Variants in APBB1IP observed in about 807,000 individuals in gnomAD.
APBB1IP encodes amyloid beta precursor protein binding family B member 1 interacting protein.
APBB1IP carries 27 observed loss-of-function variants against 64.9 expected under a neutral mutation model. The ratio of observed to expected loss-of-function variants is 0.42; its 90% CI spans 0.31 to 0.57. APBB1IP has a LOEUF of 0.57. Among genes scored for constraint, APBB1IP ranks in the 20% least tolerant of loss-of-function variants. The probability of loss-of-function intolerance (pLI) is 0.20; values close to 1 mark genes in which losing one functional copy is unlikely to be tolerated. For missense variants in APBB1IP, 812 were observed against 845.5 expected (o/e 0.96, Z 0.49); for synonymous variants, 392 against 331.0 (o/e 1.18, Z -2.00).
At chr10:26,452,480 T>A (rs1397377386) in intron 2 of APBB1IP, among the ~76,000 whole-genome samples, 2 of 152,228 alleles carry the variant, frequency 1.3e-5, no homozygotes, top group East Asian at 3.8e-4. Flanking sequence ...AATTTCCACC[T>A]CTTAATAATC....
intron 8 of APBB1IP, among the ~76,000 whole-genome samples, chr10:26,523,238 A>G (rs1350095688): frequency 6.6e-6 from 1 of 152,214 alleles, no homozygotes; most frequent in Non-Finnish European, 1.5e-5. Flanking sequence ...GAAGAATGCC[A>G]TTCAATTCTT....
At chr10:26,554,609 G>T (rs568797468) in intron 11 of APBB1IP, among the ~76,000 whole-genome samples, 2 of 152,208 alleles carry the variant, frequency 1.3e-5, no homozygotes, top group East Asian at 3.9e-4. Context: ...TTGAGACAGG[G>T]TCTCACTCTG....
At position 26,479,028 on chromosome 10, in the gene APBB1IP, T is replaced by TAACAAACA. The variant is rs141678847; in HGVS notation, c.1-13299_1-13298insAACAAACA. ...ACCAATTTTTAAAAATTGACATATATTCACGCCTGTAATCCCAGCACTTTG... is the reference window on the plus strand; with the variant it reads ...ACCAATTTTTAAAAATTGACATATATAACAAACATCACGCCTGTAATCCCAGCACTTTG... On this transcript the variant is annotated intron_variant, in intron 2 of 14. Transcript: ENST00000376236. Among the ~76,000 whole-genome samples, 21 of 37,384 alleles carry TAACAAACA rather than the reference T, an allele frequency of 5.6e-4. 8 individuals are homozygous for TAACAAACA. The African/African-American group carries it at 5.6e-3, about 10-fold the overall frequency. 24.5% of individuals were successfully genotyped at this position (37,384 alleles called of 152,430 possible). A position where few individuals can be genotyped will look rare whatever the true frequency, so the allele number is the denominator to read the frequency against.
rs531739089 is a variant in APBB1IP, at chr10:26,501,540, C to T, written c.453+429C>T. ...TTGAATTTTGTTGAACTTGGCAGCC[C>T]TGTTCAGTAGGACAGGTACATCCAA... On this transcript the variant is annotated intron_variant, in intron 5 of 14. Coordinates refer to ENST00000376236, the MANE Select transcript of APBB1IP (RefSeq NM_019043.4). 77 of 229,636 alleles carry T rather than the reference C, an allele frequency of 3.4e-4. 2 individuals carry two copies. The highest frequency in any genetic ancestry group is 1.7e-3 in the Middle Eastern group (1 of 592). The allele number at this position is 229,636 out of a possible 1,614,324, so 14.2% of individuals were successfully genotyped here.
chr10:26,558,125 C>G (rs1836916601), intron 11 of APBB1IP, among the ~76,000 whole-genome samples: 2 of 97,910 alleles, frequency 2.0e-5, no homozygotes, highest in African/African-American at 8.9e-5. Flanking sequence ...TGGTACCATA[C>G]CACACACACA....
intron 6 of APBB1IP, among the ~76,000 whole-genome samples, chr10:26,509,904 T>A (rs1164068918): frequency 1.3e-5 from 2 of 152,186 alleles, no homozygotes; most frequent in African/African-American, 2.4e-5. Flanking sequence ...ACTTCAAGAA[T>A]TAATTCTGTT....
chr10:26,470,340 C>G (rs936958913), intron 2 of APBB1IP, among the ~76,000 whole-genome samples: 1 of 152,068 alleles, frequency 6.6e-6, no homozygotes, highest in Non-Finnish European at 1.5e-5. Flanking sequence ...AGTTTGAGAC[C>G]ACCCTGACCA....
chr10:26,471,677 G>T (rs1011970683), intron 2 of APBB1IP, among the ~76,000 whole-genome samples: 19 of 151,884 alleles, frequency 1.3e-4, no homozygotes, highest in African/African-American at 4.6e-4. Context: ...GACCTGCACT[G>T]TTTAAGCTTT....
chr10:26,456,737 T>TAAAA (rs9299824), intron 2 of APBB1IP, among the ~76,000 whole-genome samples: 25,886 of 90,194 alleles, frequency 0.29, 3,163 homozygotes, highest in South Asian at 0.38. Context: ...AGAACCTGTC[T>TAAAA]AAAAAAAAAA....
At chr10:26,512,167 A>G (rs1441143843) in intron 7 of APBB1IP, among the ~76,000 whole-genome samples, 1 of 152,138 alleles carries the variant, frequency 6.6e-6, no homozygotes, top group Non-Finnish European at 1.5e-5. Context: ...CAAGGCTTTC[A>G]ATTCCCTTAT....
chr10:26,516,074 G>A (rs1339302208), intron 8 of APBB1IP, among the ~76,000 whole-genome samples: 1 of 152,104 alleles, frequency 6.6e-6, no homozygotes, highest in East Asian at 1.9e-4. Flanking sequence ...AATCTGGCTA[G>A]GGGCAGTAAA....
chr10:26,441,805 C>A (rs893950787), intron 2 of APBB1IP, among the ~76,000 whole-genome samples: 5 of 152,180 alleles, frequency 3.3e-5, no homozygotes, highest in African/African-American at 1.2e-4. Flanking sequence ...ATCATAAGAG[C>A]TATTTTCTTT....
At chr10:26,540,565 T>C (rs1836684651) in intron 10 of APBB1IP, among the ~76,000 whole-genome samples, 1 of 152,084 alleles carries the variant, frequency 6.6e-6, no homozygotes, top group Non-Finnish European at 1.5e-5. Flanking sequence ...AAATGTAAAC[T>C]TTGAACATCC....
At chr10:26,475,633 T>G (rs919530620) in intron 2 of APBB1IP, among the ~76,000 whole-genome samples, 3 of 152,198 alleles carry the variant, frequency 2.0e-5, no homozygotes, top group Non-Finnish European at 4.4e-5. Context: ...CTGTGTGATC[T>G]TGGGCATGTC....
At chr10:26,484,898 A>G (rs1378448716) in intron 2 of APBB1IP, among the ~76,000 whole-genome samples, 2 of 152,232 alleles carry the variant, frequency 1.3e-5, no homozygotes, top group Non-Finnish European at 2.9e-5. Flanking sequence ...TAGAAAACAT[A>G]AAGTGTTTTT....
rs1446229853 is a variant in APBB1IP at position 26,500,929 on chromosome 10, C to A, written c.271C>A (p.Gln91Lys). ...RTIQAQKESL[Q>K]NQHHSASLQA... ...AATCCAGGCACAGAAAGAGTCCTTG[C>A]AGAATCAACATCATTCAGCATCTCT... Residue 91 changes from glutamine (Q) to lysine (K), a missense_variant, in exon 5 of 15, where the codon CAG becomes AAG. This residue lies in a region of APBB1IP where 394 missense variants were observed against 413.1 expected (regional missense o/e 0.95). Transcript: ENST00000376236. 1 of 1,614,164 alleles carries A rather than the reference C, an allele frequency of 6.2e-7. No individual in the cohort carries two copies.
chr10:26,480,007 G>A (rs1835817063), intron 2 of APBB1IP, among the ~76,000 whole-genome samples: 1 of 152,208 alleles, frequency 6.6e-6, no homozygotes, highest in Non-Finnish European at 1.5e-5. Context: ...CAGCTGGACT[G>A]TTTGGCCAGG....
intron 2 of APBB1IP, among the ~76,000 whole-genome samples, chr10:26,474,856 G>C (rs1019021750): frequency 2.6e-5 from 4 of 152,214 alleles, no homozygotes; most frequent in Non-Finnish European, 4.4e-5. Context: ...TCTAGATCCA[G>C]GCATCTGTTT....
At chr10:26,561,388 CTTTTTTTTT>C (rs34667769) in intron 13 of APBB1IP, among the ~76,000 whole-genome samples, 3 of 122,532 alleles carry the variant, frequency 2.4e-5, no homozygotes, top group Non-Finnish European at 5.1e-5. Flanking sequence ...TTCTTCTTTG[CTTTTTTTTT>C]TTTTTTTTGG....
Sources: gnomAD v4.1 joint callset for allele counts (sites outside exome capture counted in the v4.1 genomes callset) on GRCh38, gnomAD v4.1.1 for gene constraint, gnomAD v4.1.1 regional missense constraint, MANE v1.5 for transcripts, NCBI Gene and HGNC (gene_info 2026-07-23, HGNC 2026-07-21) for gene names.